The following COL4A3 variants were observed in gnomAD, a reference collection of about 807,000 sequenced individuals.
COL4A3 encodes the protein collagen type IV alpha 3 chain.
COL4A3 carries 135 observed loss-of-function variants against 217.4 expected under a neutral mutation model. The ratio of observed to expected loss-of-function variants is 0.62; its 90% CI spans 0.54 to 0.72. The LOEUF (loss-of-function observed/expected upper bound fraction) is 0.72. Ranked by LOEUF, COL4A3 falls within the 30% of genes least tolerant of loss-of-function variation. The pLI, the probability that COL4A3 is intolerant of heterozygous loss-of-function variation, is 0.00. For synonymous variants in COL4A3, 690 were observed against 736.3 expected, an observed-to-expected ratio of 0.94 and a Z score of 1.02; for missense variants, 1,868 against 2,119.9, an observed-to-expected ratio of 0.88 and a Z score of 2.33.
At chr2:227,294,711 G>A in intron 39 of COL4A3, 141 bp downstream of exon 39, 1 of 726,522 alleles carries the variant, frequency 1.4e-6, no homozygotes, top group Non-Finnish European at 2.4e-6. Context: ...AAAAAAAATG[G>A]GGTTAGATAT....
intron 38 of COL4A3, 31 bp from the exon 39 acceptor site, chr2:227,294,457 CTT>C (rs778239815): frequency 1.5e-6 from 2 of 1,354,440 alleles, no homozygotes; most frequent in Admixed American, 1.7e-5. Context: ...TTTTGGTGAT[CTT>C]TTTTCTTCCT....
rs1434125169 is a variant in COL4A3 at position 227,276,419 on chromosome 2, TCCAGGCCCA to T, written c.1968_1976del (p.Pro663_Gly665del). ...GAGAGCTCAGTGTTTCAACACCAGT[TCCAGGCCCA>T]CCAGGACCTCCAGGGCCCCCTGGCC... On this transcript the variant is annotated inframe_deletion, in exon 27 of 52. Coordinates refer to ENST00000396578, the MANE Select transcript of COL4A3 (RefSeq NM_000091.5). 6.2e-7 allele frequency: 1 copy of T among 1,614,170 alleles called. No homozygotes were observed. Among genetic ancestry groups the T allele is most frequent in the Non-Finnish European group, 8.5e-7 (1 of 1,180,026 alleles).
At position 227,284,297 on chromosome 2, in the gene COL4A3, T is replaced by G. The variant is rs754307075; in HGVS notation, c.2833T>G (p.Ser945Ala). The change falls in exon 34 of 52, where the codon TCA (serine) becomes GCA (alanine). Residue 945 changes from serine (S) to alanine (A), a missense_variant. Physicochemically the swap from Ser to Ala is moderately conservative, Grantham distance 99. Coordinates refer to ENST00000396578, the MANE Select transcript of COL4A3 (RefSeq NM_000091.5). ...AGGAGATAAAGGAAATCCCGGGCCT[T>G]CAGAGATATCCCACGTAATAGGGGA... ...EQGDKGNPGP[S>A]EISHVIGDKG... is the part of the protein sequence containing the mutation. 1 of 1,614,060 alleles carries G rather than the reference T, an allele frequency of 6.2e-7. No individual in the cohort carries two copies. Among genetic ancestry groups the G allele is most frequent in the Non-Finnish European group, 8.5e-7 (1 of 1,180,008 alleles).
intron 1 of COL4A3, among the ~76,000 whole-genome samples, chr2:227,178,713 T>A (rs2065774333): frequency 6.7e-6 from 1 of 150,266 alleles, no homozygotes; most frequent in African/African-American, 2.4e-5. Flanking sequence ...TTGTTTTTGT[T>A]TTTTTTTTGT....
intron 35 of COL4A3, among the ~76,000 whole-genome samples, 187 bp downstream of exon 35, chr2:227,289,435 A>C (rs1372611524): frequency 2.6e-5 from 4 of 152,320 alleles, no homozygotes; most frequent in African/African-American, 9.6e-5. Flanking sequence ...ACTAACATAC[A>C]TTAACCTACA....
intron 1 of COL4A3, among the ~76,000 whole-genome samples, chr2:227,179,956 G>A (rs192169790): frequency 7.9e-5 from 12 of 152,282 alleles, no homozygotes; most frequent in Admixed American, 7.8e-4. Flanking sequence ...TAAGTGCAAC[G>A]GAGCCAGAAA....
chr2:227,245,763 C>G, intron 5 of COL4A3, 191 bp from the exon 6 acceptor site: 1 of 656,968 alleles, frequency 1.5e-6, no homozygotes, highest in East Asian at 2.8e-5. Context: ...TTTGATAAGT[C>G]TTCATATCAG....
Position 227,289,186 on chromosome 2 carries a change from G to A in COL4A3, c.2918G>A (p.Gly973Asp). 6.2e-7 allele frequency: 1 copy of A among 1,613,858 alleles called. No homozygotes were observed. Among genetic ancestry groups the A allele is most frequent in the Non-Finnish European group, 8.5e-7 (1 of 1,179,926 alleles). Reference sequence around the variant, plus strand: ...AATCCAGGTGAGAAAGGAAACAGAGGCGTTCCAGGGATGCCAGGTTTAAAG... The same window carrying A: ...AATCCAGGTGAGAAAGGAAACAGAGACGTTCCAGGGATGCCAGGTTTAAAG... ...AGNPGEKGNR[G>D]VPGMPGLKGL... Residue 973 changes from glycine to aspartate, a missense_variant, in exon 35 of 52, where the codon GGC becomes GAC. Around this residue, in one of 2 missense-constraint regions of COL4A3, gnomAD observed 1,503 missense variants for 1,786.1 expected, o/e 0.84. Coordinates refer to ENST00000396578, the MANE Select transcript of COL4A3 (RefSeq NM_000091.5).
intron 3 of COL4A3, 43 bp downstream of exon 3, chr2:227,240,275 CCCTCTTCCTG>C: frequency 3.9e-6 from 6 of 1,543,626 alleles, no homozygotes; most frequent in Non-Finnish European, 5.3e-6. Flanking sequence ...ACCCACCTAA[CCCTCTTCCTG>C]CCTACCCCCT....
intron 35 of COL4A3, 48 bp downstream of exon 35, chr2:227,289,296 A>G (rs1241228377): frequency 6.8e-7 from 1 of 1,472,230 alleles, no homozygotes; most frequent in Non-Finnish European, 9.4e-7. Flanking sequence ...ACACTTTCCT[A>G]CATCTAAAGT....
intron 1 of COL4A3, among the ~76,000 whole-genome samples, chr2:227,235,071 C>T (rs1307864127): frequency 6.6e-6 from 1 of 152,160 alleles, no homozygotes; most frequent in South Asian, 2.1e-4. Context: ...AGGACTCAGG[C>T]TTTCCTTTCG....
At chr2:227,302,789 T>C (rs917009868) in intron 43 of COL4A3, among the ~76,000 whole-genome samples, 5 of 149,274 alleles carry the variant, frequency 3.3e-5, no homozygotes, top group African/African-American at 7.5e-5. Flanking sequence ...ACACCAACAT[T>C]AGAAGGTATG....
intron 1 of COL4A3, chr2:227,221,632 C>G (rs1354958938): frequency 6.6e-6 from 1 of 152,170 alleles, no homozygotes; most frequent in South Asian, 2.1e-4. Context: ...TACAACCCAC[C>G]CCTGACATTT....
intron 43 of COL4A3, among the ~76,000 whole-genome samples, chr2:227,299,092 C>G (rs1226680387): frequency 6.6e-6 from 1 of 152,136 alleles, no homozygotes; most frequent in Admixed American, 6.5e-5. Context: ...AAAGGGGAAG[C>G]CCCTTATAAA....
rs140415172 is a variant in COL4A3 at position 227,248,563 on chromosome 2, ACTCT to A, written c.546+54_546+57del. The A allele has an allele frequency of 3.8e-5, 49 of 1,284,304 alleles. 1 individual carries two copies. The highest frequency in any genetic ancestry group is 3.1e-4 in the South Asian group (26 of 83,672). The allele number at this position is 1,284,304 out of a possible 1,614,324, so 79.6% of individuals were successfully genotyped here. A position where few individuals can be genotyped will look rare whatever the true frequency, so the allele number is the denominator to read the frequency against. Reference sequence around the variant, plus strand: ...AGGTCCCTATTATTCTCAGTTTTTCACTCTCTCTCTCTCTTTTCGCCTCTCTTTA... The same window carrying A: ...AGGTCCCTATTATTCTCAGTTTTTCACTCTCTCTCTTTTCGCCTCTCTTTA... On this transcript the variant is annotated intron_variant, in intron 9 of 51. Coordinates refer to ENST00000396578, the MANE Select transcript of COL4A3 (RefSeq NM_000091.5).
chr2:227,289,422 TTAAC>T (rs1298695837), intron 35 of COL4A3, among the ~76,000 whole-genome samples, 174 bp downstream of exon 35: 4 of 152,222 alleles, frequency 2.6e-5, no homozygotes, highest in Non-Finnish European at 4.4e-5. Context: ...TGGCGTGTCA[TTAAC>T]TAACATACAT....
At chr2:227,205,708 A>ATTTTTTT (rs1429611680) in intron 1 of COL4A3, among the ~76,000 whole-genome samples, 40 of 123,580 alleles carry the variant, frequency 3.2e-4, no homozygotes, top group Non-Finnish European at 5.5e-4. Flanking sequence ...AATTCAACAA[A>ATTTTTTT]TATTTTTTTT....
Position 227,257,593 on chromosome 2 carries a change from T to C in COL4A3, c.988-10T>C, listed in dbSNP as rs775260091. The C allele has an allele frequency of 6.2e-7, 1 of 1,613,374 alleles. No homozygotes were observed. The highest frequency in any genetic ancestry group is 1.1e-5 in the South Asian group (1 of 91,074). ...CCATATTCACAATTTGTAAATGTCT[T>C]TCACTGTAGGGACAGAAAGGGGACA... On this transcript the variant is annotated splice_polypyrimidine_tract_variant and intron_variant, in intron 17 of 51. Transcript: ENST00000396578.
Position 227,245,975 on chromosome 2 carries a change from C to T in COL4A3, c.346C>T (p.Pro116Ser), listed in dbSNP as rs115324397. Residue 116 changes from proline to serine, a missense_variant, in exon 6 of 52, where the codon CCT becomes TCT. By Grantham distance (74) the Pro-to-Ser change is moderately conservative. Transcript: ENST00000396578. ...GLPGTPGNTG[P>S]YGLVGVPGCS... ...CCAGGGCACCCCAGGCAATACCGGGCCTTACGGACTTGTCGGTGTACCAGG... is the reference window on the plus strand; with the variant it reads ...CCAGGGCACCCCAGGCAATACCGGGTCTTACGGACTTGTCGGTGTACCAGG... The T allele has an allele frequency of 4.3e-6, 7 of 1,613,742 alleles. No individual in the cohort carries two copies. Among genetic ancestry groups the T allele is most frequent in the Non-Finnish European group, 5.9e-6 (7 of 1,179,782 alleles).
Sources: gnomAD v4.1 joint callset for allele counts (sites outside exome capture counted in the v4.1 genomes callset) on GRCh38, gnomAD v4.1.1 for gene constraint, gnomAD v4.1.1 regional missense constraint, MANE v1.5 for transcripts, NCBI Gene and HGNC (gene_info 2026-07-23, HGNC 2026-07-21) for gene names.